FANCD2: variants seen among roughly 807,000 people sequenced by gnomAD.
FANCD2 encodes Fanconi anemia group D2 protein.
Under a neutral mutation model 192.3 loss-of-function variants are expected in FANCD2, and 131 were observed. The observed-to-expected ratio is 0.68, with a 90% CI of 0.59 to 0.79. The LOEUF (loss-of-function observed/expected upper bound fraction) is 0.79. Among genes scored for constraint, FANCD2 ranks in the 30% least tolerant of loss-of-function variants. The pLI, the probability that FANCD2 is intolerant of heterozygous loss-of-function variation, is 0.00. For missense variants in FANCD2, 1,508 were observed against 1,701.6 expected, an observed-to-expected ratio of 0.89 and a Z score of 2.00; for synonymous variants, 524 against 612.5, an observed-to-expected ratio of 0.86 and a Z score of 2.13.
intron 18 of FANCD2, 124 bp downstream of exon 18, chr3:10,052,621 C>T (rs1337391578): frequency 4.2e-5 from 30 of 706,788 alleles, no homozygotes; most frequent in Admixed American, 1.9e-4. Context: ...TGGGTTCAAG[C>T]GATTCTCCTG....
intron 18 of FANCD2, among the ~76,000 whole-genome samples, chr3:10,054,733 T>G (rs1327025764): frequency 4.6e-5 from 7 of 151,110 alleles, no homozygotes; most frequent in Non-Finnish European, 5.9e-5. Flanking sequence ...TCCGCCAGCC[T>G]CGGCCTCCCA....
intron 17 of FANCD2, 54 bp downstream of exon 17, chr3:10,049,559 G>A: frequency 1.3e-6 from 2 of 1,542,760 alleles, no homozygotes; most frequent in South Asian, 1.1e-5. Flanking sequence ...TTGGTGGGAG[G>A]TGGTGGGAAG....
At chr3:10,092,327 T>C (rs1694666350) in intron 38 of FANCD2, 75 bp downstream of exon 38, 1 of 1,140,652 alleles carries the variant, frequency 8.8e-7, no homozygotes, top group Non-Finnish European at 1.3e-6. Context: ...CAAAATGGAC[T>C]TTCCTTGCTC....
chr3:10,040,568 G>C, intron 9 of FANCD2: 1 of 456,600 alleles, frequency 2.2e-6, no homozygotes, highest in South Asian at 1.5e-5. Flanking sequence ...TCCTGCATCA[G>C]ACCGCTTGCG....
At chr3:10,086,203 C>G (rs1024734567) in intron 33 of FANCD2, among the ~76,000 whole-genome samples, 1 of 152,192 alleles carries the variant, frequency 6.6e-6, no homozygotes, top group Non-Finnish European at 1.5e-5. Context: ...GTAATCAACT[C>G]TTGATTATCC....
chr3:10,053,299 A>G (rs1173472074), intron 18 of FANCD2, among the ~76,000 whole-genome samples: 2 of 147,858 alleles, frequency 1.4e-5, no homozygotes, highest in Admixed American at 7.0e-5. Context: ...CACACCGCAT[A>G]TTCTCAGTCA....
chr3:10,067,209 A>C lies in FANCD2; in HGVS notation c.2386A>C (p.Ile796Leu), dbSNP rs778219361. 6.3e-6 allele frequency: 10 copies of C among 1,598,302 alleles called. No homozygotes were observed. The highest frequency in any genetic ancestry group is 8.6e-6 in the Non-Finnish European group (10 of 1,166,032). ...TGAGAATGTAATTTGTACTTTGCAG[A>C]TTGTAAATGCCTTCTGCCAGGAAAC... ...IFLTLNWFRE[I>L]VNAFCQETSP... Residue 796 changes from isoleucine (I) to leucine (L), a missense_variant and splice_region_variant, in exon 26 of 44, where the codon ATT becomes CTT. Ile to Leu is a conservative substitution (Grantham distance 5). Transcript: ENST00000675286.
chr3:10,096,120 G>T lies in FANCD2; in HGVS notation c.4039-206G>T, dbSNP rs755369640. On this transcript the variant is annotated intron_variant, in intron 41 of 43. Coordinates refer to ENST00000675286, the MANE Select transcript of FANCD2 (RefSeq NM_001018115.3). ...GAGGTTATGAAGAGGAACTAGAGGT[G>T]TTGGTGGTATGTCTTCTAGGCTTTG... Among the ~76,000 whole-genome samples, 32 of 152,300 alleles carry T rather than the reference G, an allele frequency of 2.1e-4. No homozygotes were observed. In the Middle Eastern group the frequency reaches 0.01, roughly 49 times the overall value.
intron 25 of FANCD2, among the ~76,000 whole-genome samples, chr3:10,066,852 G>A (rs757128928): frequency 3.9e-5 from 6 of 152,230 alleles, no homozygotes; most frequent in South Asian, 2.1e-4. Context: ...AGCCTCCCTA[G>A]TAGCTGGGAT....
chr3:10,041,842 CTTT>C (rs201603399), intron 10 of FANCD2, 132 bp downstream of exon 10: 5,267 of 539,038 alleles, frequency 9.8e-3, no homozygotes, highest in Middle Eastern at 0.011. Context: ...TGATATCTCT[CTTT>C]TTTTTTTTTT....
intron 42 of FANCD2, 58 bp downstream of exon 42, chr3:10,096,530 A>G: frequency 6.5e-7 from 1 of 1,547,112 alleles, no homozygotes; most frequent in Non-Finnish European, 8.9e-7. Context: ...TGACAGCATC[A>G]GATGGCATGT....
intron 37 of FANCD2, among the ~76,000 whole-genome samples, chr3:10,090,974 T>A (rs1694570087): frequency 1.3e-5 from 2 of 151,988 alleles, no homozygotes; most frequent in Admixed American, 1.3e-4. Context: ...GCCAGCCTGT[T>A]TGAGATACTG....
chr3:10,042,710 C>A, intron 11 of FANCD2, 47 bp downstream of exon 11: 3 of 1,421,638 alleles, frequency 2.1e-6, no homozygotes, highest in South Asian at 1.1e-5. Context: ...ACTTAAGTGC[C>A]AATTGCTCTT....
chr3:10,046,794 T>G, intron 15 of FANCD2, 71 bp downstream of exon 15: 1 of 1,234,604 alleles, frequency 8.1e-7, no homozygotes, highest in Non-Finnish European at 1.2e-6. Context: ...AAATTTCATC[T>G]TATTTCAGTC....
chr3:10,069,587 G>A (rs967951870), intron 26 of FANCD2, among the ~76,000 whole-genome samples: 7 of 150,682 alleles, frequency 4.6e-5, no homozygotes, highest in East Asian at 2.0e-4. Flanking sequence ...TCAGCCTGCC[G>A]AGTGCCTGCG....
chr3:10,063,948 T>C (rs1416591645), intron 21 of FANCD2, 37 bp downstream of exon 21: 22 of 1,614,146 alleles, frequency 1.4e-5, no homozygotes, highest in Non-Finnish European at 1.8e-5. Context: ...CAATAAAGCA[T>C]GAGAGCTGCT....
rs1181489981 is a variant in FANCD2 at position 10,090,438 on chromosome 3, T to C, written c.3777+53T>C. ...AGTGGACTTTGGATTACTTGGAAGT[T>C]GCTGATTTTTTTTTTTTTTTTTTTT... is the stretch of plus-strand genomic sequence containing the variant. On this transcript the variant is annotated intron_variant, in intron 37 of 43. Coordinates refer to ENST00000675286, the MANE Select transcript of FANCD2 (RefSeq NM_001018115.3). 10 of 882,160 alleles carry C rather than the reference T, an allele frequency of 1.1e-5. No homozygotes were observed. The East Asian group carries it at 2.5e-4, about 22-fold the overall frequency. 54.6% of individuals were successfully genotyped at this position (882,160 alleles called of 1,614,324 possible).
intron 25 of FANCD2, among the ~76,000 whole-genome samples, chr3:10,066,360 T>C (rs1328727254): frequency 6.6e-6 from 1 of 152,202 alleles, no homozygotes; most frequent in Admixed American, 6.5e-5. Context: ...GATGGCAACA[T>C]CTTATATCTC....
intron 18 of FANCD2, among the ~76,000 whole-genome samples, chr3:10,054,664 TA>T (rs1423520609): frequency 6.7e-6 from 1 of 149,170 alleles, no homozygotes; most frequent in Non-Finnish European, 1.5e-5. Flanking sequence ...TTTGTATTTT[TA>T]GTAGAGTTGG....
Sources: allele counts gnomAD v4.1 joint callset (sites outside exome capture counted in the v4.1 genomes callset), GRCh38; gene constraint gnomAD v4.1.1; transcripts MANE v1.5; gene names NCBI Gene and HGNC (gene_info 2026-07-23, HGNC 2026-07-21).